Variants in MBNL2 observed in about 807,000 individuals in gnomAD.
The protein encoded by MBNL2 is muscleblind-like protein 2.
In MBNL2, 17 loss-of-function variants were observed where a neutral mutation model predicts 41.9. The observed-to-expected ratio is 0.41, with a 90% confidence interval of 0.28 to 0.61. The LOEUF is 0.61. MBNL2 is among the 20% of genes least tolerant of loss of function. The pLI is 0.35. For missense variants in MBNL2, 336 were observed against 505.6 expected (o/e 0.66, Z 3.22); for synonymous variants, 195 against 182.9 (o/e 1.07, Z -0.53).
At chr13:97,382,279 T>G (rs575718746) in intron 8 of MBNL2, among the ~76,000 whole-genome samples, 1 of 152,332 alleles carries the variant, frequency 6.6e-6, no homozygotes, top group Non-Finnish European at 1.5e-5. Flanking sequence ...CCTACAACCA[T>G]TTTATTTAGT....
intron 8 of MBNL2, among the ~76,000 whole-genome samples, chr13:97,370,667 CA>C (rs35877156): frequency 1.4e-3 from 196 of 137,528 alleles, no homozygotes; most frequent in Middle Eastern, 7.5e-3. Flanking sequence ...GAAACTCCGT[CA>C]AAAAAAAAAA....
At chr13:97,372,816 G>A (rs1396930580) in intron 8 of MBNL2, among the ~76,000 whole-genome samples, 1 of 152,196 alleles carries the variant, frequency 6.6e-6, no homozygotes, top group Non-Finnish European at 1.5e-5. Context: ...TACTAACCAA[G>A]AAGTCTAGAA....
At chr13:97,242,326 G>T (rs539075368) in intron 1 of MBNL2, among the ~76,000 whole-genome samples, 55 of 152,328 alleles carry the variant, frequency 3.6e-4, no homozygotes, top group Middle Eastern at 3.4e-3. Context: ...TTCTTGGGCT[G>T]CATTAGGCAA....
intron 6 of MBNL2, among the ~76,000 whole-genome samples, chr13:97,357,138 T>C (rs1319496049): frequency 1.3e-5 from 2 of 152,238 alleles, no homozygotes; most frequent in Non-Finnish European, 2.9e-5. Flanking sequence ...GCCATTTAGT[T>C]AAAGAAAAGA....
At chr13:97,347,643 G>A (rs1172282907) in intron 5 of MBNL2, among the ~76,000 whole-genome samples, 3 of 152,224 alleles carry the variant, frequency 2.0e-5, no homozygotes, top group African/African-American at 7.2e-5. Context: ...AGATGAAAGT[G>A]GAGCCATCCT....
At chr13:97,335,725 G>A (rs2060826429) in intron 3 of MBNL2, among the ~76,000 whole-genome samples, 1 of 152,158 alleles carries the variant, frequency 6.6e-6, no homozygotes, top group African/African-American at 2.4e-5. Flanking sequence ...CCTGGAGGAA[G>A]TCTCAAATAA....
At chr13:97,353,976 A>G (rs1048365368) in intron 5 of MBNL2, among the ~76,000 whole-genome samples, 3 of 150,444 alleles carry the variant, frequency 2.0e-5, no homozygotes, top group South Asian at 4.2e-4. Context: ...GTCTTTGCCT[A>G]TCATGTCTGA....
intron 1 of MBNL2, among the ~76,000 whole-genome samples, chr13:97,248,351 G>A (rs951362214): frequency 7.9e-5 from 12 of 152,232 alleles, no homozygotes; most frequent in African/African-American, 2.9e-4. Flanking sequence ...TGGCCAGGCT[G>A]GTCTTGAACT....
chr13:97,236,197 C>T, intron 1 of MBNL2, among the ~76,000 whole-genome samples: 1 of 152,244 alleles, frequency 6.6e-6, no homozygotes, highest in South Asian at 2.1e-4. Context: ...ATTAGAAACA[C>T]TTTTCTCCTA....
At chr13:97,175,939 G>C in the MBNL2 span, among the ~76,000 whole-genome samples, 1 of 152,044 alleles carries the variant, frequency 6.6e-6, no homozygotes, top group African/African-American at 2.4e-5. Flanking sequence ...ACATGAGATG[G>C]GTATATCTGG....
chr13:97,242,312 G>A lies in MBNL2; in HGVS notation c.-605+19781G>A, dbSNP rs75931283. On this transcript the variant is annotated intron_variant, in intron 1 of 8. Transcript: ENST00000679496. ...TGCTCTCTTCATAGCCAAGGCTCCC[G>A]CATTTCTTGGGCTGCATTAGGCAAC... Among the ~76,000 whole-genome samples the A allele has an allele frequency of 2.0e-3, 297 of 152,270 alleles. 1 individual carries two copies. Among genetic ancestry groups the A allele is most frequent in the African/African-American group, 6.4e-3 (267 of 41,560 alleles).
intron 1 of MBNL2, among the ~76,000 whole-genome samples, chr13:97,228,925 T>C (rs927683890): frequency 6.6e-6 from 1 of 151,786 alleles, no homozygotes; most frequent in African/African-American, 2.4e-5. Context: ...AAAAGTCTCA[T>C]TGGCCACAAA....
At chr13:97,248,534 A>C (rs1286421789) in intron 1 of MBNL2, among the ~76,000 whole-genome samples, 1 of 152,216 alleles carries the variant, frequency 6.6e-6, no homozygotes, top group African/African-American at 2.4e-5. Flanking sequence ...CTGATACCAC[A>C]GTCTCATATT....
intron 5 of MBNL2, among the ~76,000 whole-genome samples, chr13:97,349,810 C>T (rs1426277006): frequency 6.6e-6 from 1 of 152,230 alleles, no homozygotes; most frequent in African/African-American, 2.4e-5. Context: ...ACACCATTCT[C>T]TAAGGTCAGC....
intron 1 of MBNL2, among the ~76,000 whole-genome samples, chr13:97,234,875 C>T (rs1490407176): frequency 6.6e-6 from 1 of 152,228 alleles, no homozygotes; most frequent in East Asian, 1.9e-4. Context: ...TTCTCTGCGG[C>T]TCTCAGCAGC....
At chr13:97,171,247 C>T in the MBNL2 span, among the ~76,000 whole-genome samples, 2 of 152,102 alleles carry the variant, frequency 1.3e-5, no homozygotes, top group Non-Finnish European at 2.9e-5. Flanking sequence ...TCATGTAATT[C>T]TCATATATAA....
At chr13:97,237,502 C>A (rs117043439) in intron 1 of MBNL2, among the ~76,000 whole-genome samples, 489 of 152,224 alleles carry the variant, frequency 3.2e-3, no homozygotes, top group Non-Finnish European at 5.5e-3. Context: ...AATAAATCAC[C>A]ATGGTGAAGG....
chr13:97,304,310 C>T (rs1456643596), intron 2 of MBNL2, among the ~76,000 whole-genome samples: 1 of 152,168 alleles, frequency 6.6e-6, no homozygotes, highest in Non-Finnish European at 1.5e-5. Context: ...CTTGGTGAGG[C>T]TTAGCAGGGA....
the MBNL2 span, among the ~76,000 whole-genome samples, chr13:97,157,640 C>T: frequency 4.0e-5 from 6 of 150,492 alleles, no homozygotes; most frequent in African/African-American, 1.2e-4. Context: ...TTTTCTGCAC[C>T]TATTGAGATA....
Sources: allele counts gnomAD v4.1 joint callset (sites outside exome capture counted in the v4.1 genomes callset), GRCh38; gene constraint gnomAD v4.1.1; transcripts MANE v1.5; gene names NCBI Gene and HGNC (gene_info 2026-07-23, HGNC 2026-07-21).